PCNX2: variants seen among roughly 807,000 people sequenced by gnomAD.
The protein encoded by PCNX2 is pecanex-like protein 2.
Under a neutral mutation model 223.8 loss-of-function variants are expected in PCNX2, and 168 were observed. The observed-to-expected ratio is 0.75, with a 90% confidence interval of 0.66 to 0.85. The LOEUF is 0.85. Ranked by LOEUF, PCNX2 falls within the 40% of genes least tolerant of loss-of-function variation. The pLI, the probability that PCNX2 is intolerant of heterozygous loss-of-function variation, is 0.00. For missense variants in PCNX2, 2,507 were observed against 2,675.5 expected (o/e 0.94, Z 1.39); for synonymous variants, 1,006 against 1,052.6 (o/e 0.96, Z 0.86).
intron 23 of PCNX2, among the ~76,000 whole-genome samples, chr1:233,087,793 T>G (rs933705470): frequency 6.6e-6 from 1 of 152,028 alleles, no homozygotes; most frequent in Admixed American, 6.5e-5. Context: ...AATTGAAAAT[T>G]TCCTTCCACT....
rs1676717249 is a variant in PCNX2 at position 233,134,880 on chromosome 1, C to G, written c.3837+133G>C. 7.3e-5 allele frequency: 55 copies of G among 753,768 alleles called. No homozygotes were observed. In the South Asian group the frequency reaches 1.0e-3, roughly 14 times the overall value. The allele number at this position is 753,768 out of a possible 1,614,324, so 46.7% of individuals were successfully genotyped here. On this transcript the variant is annotated intron_variant, in intron 21 of 33. Coordinates refer to ENST00000258229, the MANE Select transcript of PCNX2 (RefSeq NM_014801.4). ...TCCCCAAATGGTAGCAAGAGTTTAA[C>G]ATACATGTATAATTCAATTTCATAT...
intron 9 of PCNX2, among the ~76,000 whole-genome samples, chr1:233,235,292 T>C (rs1229807690): frequency 6.6e-6 from 1 of 152,160 alleles, no homozygotes; most frequent in Non-Finnish European, 1.5e-5. Flanking sequence ...ATTAGCACTT[T>C]TTTTGTTTGT....
intron 17 of PCNX2, among the ~76,000 whole-genome samples, chr1:233,170,191 C>G (rs73109232): frequency 0.025 from 3,816 of 152,284 alleles, 145 homozygotes; most frequent in African/African-American, 0.085. Flanking sequence ...TTGCTGGCTG[C>G]AGTCTATTCA....
Position 233,000,605 on chromosome 1 carries a change from T to C in PCNX2, c.5098-70A>G. On this transcript the variant is annotated intron_variant, in intron 29 of 33. Transcript: ENST00000258229. This position sits in a 1 kb window ranked among gnomAD's most constrained non-coding sequence, Gnocchi z 4.6. The stretch of plus-strand genomic sequence containing the variant: ...AACTCACCCCCAGGAAGCATGCAGA[T>C]GGCAACTGGCCAGTGACCTCCAAAG... 3 of 1,269,752 alleles carry C rather than the reference T, an allele frequency of 2.4e-6. No homozygotes were observed. Among genetic ancestry groups the C allele is most frequent in the Non-Finnish European group, 3.3e-6 (3 of 910,132 alleles). 78.7% of individuals were successfully genotyped at this position (1,269,752 alleles called of 1,614,324 possible).
At chr1:233,199,795 T>TACACACACACAC (rs60556502) in intron 14 of PCNX2, among the ~76,000 whole-genome samples, 1 of 147,868 alleles carries the variant, frequency 6.8e-6, no homozygotes, top group South Asian at 2.2e-4. Flanking sequence ...TGTGCTCAAA[T>TACACACACACAC]ACACACACAC....
At chr1:233,188,465 T>C (rs1230477291) in intron 15 of PCNX2, among the ~76,000 whole-genome samples, 1 of 152,176 alleles carries the variant, frequency 6.6e-6, no homozygotes, top group Admixed American at 6.5e-5. Flanking sequence ...TAAAGGGCTC[T>C]TCTGATTAGG....
rs114097152 is a variant in PCNX2, at chr1:233,051,870, G to T, written c.4351+2398C>A. ...GAAAATTGAAATTATATTTAAAAAG[G>T]AATATACTAAAATAAAAGAACTTTT... On this transcript the variant is annotated intron_variant, in intron 25 of 33. Transcript: ENST00000258229. 7.3e-3 allele frequency among the ~76,000 whole-genome samples: 1,104 copies of T among 152,160 alleles called. 14 individuals carry two copies. The highest frequency in any genetic ancestry group is 0.024 in the African/African-American group (990 of 41,528).
rs200434922 is a variant in PCNX2, at chr1:233,259,165, C to T, written c.697G>A (p.Gly233Ser). ...LINGKGKERG[G>S]KGQPPLRHRS... Reference sequence around the variant, plus strand: ...TGGCGCAAAGGAGGCTGCCCCTTGCCTCCTCTTTCCTTTCCTTTACCATTG... The same window carrying T: ...TGGCGCAAAGGAGGCTGCCCCTTGCTTCCTCTTTCCTTTCCTTTACCATTG... Residue 233 changes from glycine (G) to serine (S), a missense_variant, in exon 5 of 34, where the codon GGC (glycine) becomes AGC (serine). Gly to Ser is a moderately conservative substitution (Grantham distance 56). Transcript: ENST00000258229. 4.2e-5 allele frequency: 67 copies of T among 1,613,888 alleles called. No individual in the cohort carries two copies. The highest frequency in any genetic ancestry group is 5.3e-5 in the Non-Finnish European group (63 of 1,179,882).
At position 233,241,084 on chromosome 1, in the gene PCNX2, A is replaced by G. The variant is rs141385944; in HGVS notation, c.2223-4104T>C. 316 of 780,024 alleles carry G rather than the reference A, an allele frequency of 4.1e-4. 6 individuals are homozygous for G. The African/African-American group carries it at 4.6e-3, about 11-fold the overall frequency. The allele number at this position is 780,024 out of a possible 1,614,324, so 48.3% of individuals were successfully genotyped here. A position where few individuals can be genotyped will look rare whatever the true frequency, so the allele number is the denominator to read the frequency against. ...AAATGAAAGTCCCAGCAACATGTTC[A>G]ACATGTAGGATGTTTAACTAAAGCA... On this transcript the variant is annotated intron_variant, in intron 8 of 33. Transcript: ENST00000258229.
At chr1:233,041,089 C>G (rs917143188) in intron 25 of PCNX2, among the ~76,000 whole-genome samples, 3 of 152,152 alleles carry the variant, frequency 2.0e-5, no homozygotes, top group African/African-American at 7.2e-5. Flanking sequence ...TTGTCACAAC[C>G]TTACATATTA....
At chr1:233,138,127 A>C (rs536644210) in intron 20 of PCNX2, among the ~76,000 whole-genome samples, 32 of 152,322 alleles carry the variant, frequency 2.1e-4, no homozygotes, top group African/African-American at 7.5e-4. Flanking sequence ...AATAGAAAGG[A>C]ATTTCCACCT....
At chr1:233,008,661 T>A (rs961436671) in intron 28 of PCNX2, among the ~76,000 whole-genome samples, 2 of 152,180 alleles carry the variant, frequency 1.3e-5, no homozygotes, top group African/African-American at 4.8e-5. Context: ...TCAAAGCCTG[T>A]GTCTTCAATG....
chr1:233,027,247 G>C lies in PCNX2; in HGVS notation c.4352-1848C>G, dbSNP rs140623449. On this transcript the variant is annotated intron_variant, in intron 25 of 33. Coordinates refer to ENST00000258229, the MANE Select transcript of PCNX2 (RefSeq NM_014801.4). ...ATTTGGCAATATGGAGGTGTATGTTGATCTTTGCAAGACGGGTTGTGGTGG... is the reference window on the plus strand; with the variant it reads ...ATTTGGCAATATGGAGGTGTATGTTCATCTTTGCAAGACGGGTTGTGGTGG... Among the ~76,000 whole-genome samples, 234 of 152,280 alleles carry C rather than the reference G, an allele frequency of 1.5e-3. 2 individuals carry two copies. The highest frequency in any genetic ancestry group is 5.4e-3 in the African/African-American group (226 of 41,552).
chr1:233,291,806 C>G (rs1229759100), intron 1 of PCNX2: 3 of 984,250 alleles, frequency 3.0e-6, no homozygotes, highest in Admixed American at 6.2e-5. Flanking sequence ...TTAAATATCT[C>G]TCAAGACTAA....
intron 15 of PCNX2, among the ~76,000 whole-genome samples, chr1:233,196,601 G>A (rs10797444): frequency 0.29 from 43,858 of 151,890 alleles, 7,281 homozygotes; most frequent in East Asian, 0.57. Flanking sequence ...GAAACATACA[G>A]AAAGATGTTC....
chr1:233,298,347 A>G (rs1231906539), upstream of PCNX2, among the ~76,000 whole-genome samples: 1 of 152,204 alleles, frequency 6.6e-6, no homozygotes, highest in Non-Finnish European at 1.5e-5. Flanking sequence ...TGTTATTAGG[A>G]CACAGCCATT....
At chr1:233,298,847 A>T (rs1310934270), upstream of PCNX2, among the ~76,000 whole-genome samples, 1 of 152,140 alleles carries the variant, frequency 6.6e-6, no homozygotes, top group Non-Finnish European at 1.5e-5. Context: ...ATGCCACTGC[A>T]CTCCAGCCTG....
At position 233,126,072 on chromosome 1, in the gene PCNX2, T is replaced by C. The variant is rs963278987; in HGVS notation, c.3837+8941A>G. On this transcript the variant is annotated intron_variant, in intron 21 of 33. Transcript: ENST00000258229. The surrounding 1 kb of genome is among the most constrained non-coding windows in gnomAD (Gnocchi z 4.8). Reference sequence around the variant, plus strand: ...TAAAAATACAAAAATTAGCCAGGTGTGGTGGCGTGCACCTGTAATCCCAGC... The same window carrying C: ...TAAAAATACAAAAATTAGCCAGGTGCGGTGGCGTGCACCTGTAATCCCAGC... 2.6e-5 allele frequency: 4 copies of C among 152,098 alleles called. No individual in the cohort carries two copies. The highest frequency in any genetic ancestry group is 6.6e-5 in the Admixed American group (1 of 15,258). 9.4% of individuals were successfully genotyped at this position (152,098 alleles called of 1,614,324 possible). A position where few individuals can be genotyped will look rare whatever the true frequency, so the allele number is the denominator to read the frequency against.
Position 233,199,015 on chromosome 1 carries a change from G to T in PCNX2, c.2990C>A (p.Thr997Asn). 1 of 1,596,064 alleles carries T rather than the reference G, an allele frequency of 6.3e-7. No individual in the cohort carries two copies. The highest frequency in any genetic ancestry group is 8.5e-7 in the Non-Finnish European group (1 of 1,171,830). The change falls in exon 15 of 34, where the codon ACC becomes AAC. Residue 997 changes from threonine to asparagine, a missense_variant. Coordinates refer to ENST00000258229, the MANE Select transcript of PCNX2 (RefSeq NM_014801.4). ...FFGGSAVSGI[T>N]SAVYSVARSV... The stretch of plus-strand genomic sequence containing the variant: ...CCGGGCCACACTGTAAACAGCCGAG[G>T]TTATCCCAGACACAGCTGGAACACA...
Sources: gnomAD v4.1 joint callset for allele counts (sites outside exome capture counted in the v4.1 genomes callset) on GRCh38, gnomAD v4.1.1 for gene constraint, Gnocchi (gnomAD v3.1) non-coding constraint, MANE v1.5 for transcripts, NCBI Gene and HGNC (gene_info 2026-07-23, HGNC 2026-07-21) for gene names.